KATNAL2: variants seen among roughly 807,000 people sequenced by gnomAD.
KATNAL2 encodes the protein katanin p60 ATPase-containing subunit A-like 2.
In KATNAL2, 52 loss-of-function variants were observed where a neutral mutation model predicts 76.3. The observed-to-expected ratio is 0.68, with a 90% CI of 0.55 to 0.86. KATNAL2 has a LOEUF of 0.86. Among genes scored for constraint, KATNAL2 ranks in the 40% least tolerant of loss-of-function variants. KATNAL2 has a pLI of 0.00. For synonymous variants in KATNAL2, 243 were observed against 244.2 expected (o/e 1.00, Z 0.05); for missense variants, 660 against 668.9 (o/e 0.99, Z 0.15).
chr18:47,038,064 C>T (rs761168472), intron 3 of KATNAL2, among the ~76,000 whole-genome samples: 1 of 152,088 alleles, frequency 6.6e-6, no homozygotes, highest in Non-Finnish European at 1.5e-5. Context: ...TAGACATCGA[C>T]TCTTTTGCAA....
chr18:47,058,285 C>T lies in KATNAL2; in HGVS notation c.383C>T (p.Pro128Leu). The change falls in exon 7 of 18, where the codon CCC becomes CTC. Residue 128 changes from proline (P) to leucine (L), a missense_variant. Physicochemically the swap from Pro to Leu is moderately conservative, Grantham distance 98 (BLOSUM62 -3). Coordinates refer to ENST00000683218, the MANE Select transcript of KATNAL2 (RefSeq NM_001387690.1). ...CTTCCCAAGATCAATCAGCAGAGGCCCCGGTCCAAAACCACAGCGGGGAAG... is the reference window on the plus strand; with the variant it reads ...CTTCCCAAGATCAATCAGCAGAGGCTCCGGTCCAAAACCACAGCGGGGAAG... ...QNLPKINQQRPRSKTTAGKTG... is the reference protein window; with the variant it reads ...QNLPKINQQRLRSKTTAGKTG... 6.2e-7 allele frequency: 1 copy of T among 1,614,068 alleles called. No individual in the cohort carries two copies. The highest frequency in any genetic ancestry group is 8.5e-7 in the Non-Finnish European group (1 of 1,179,962).
At chr18:47,088,595 T>G (rs969355576) in intron 15 of KATNAL2, among the ~76,000 whole-genome samples, 62 of 152,190 alleles carry the variant, frequency 4.1e-4, no homozygotes, top group Non-Finnish European at 4.3e-4. Flanking sequence ...CATTCATTTT[T>G]GAGAGGGGGG....
rs1473152229 is a variant in KATNAL2 at position 47,100,196 on chromosome 18, C to T, written c.1375-58C>T. 21 of 1,229,794 alleles carry T rather than the reference C, an allele frequency of 1.7e-5. No homozygotes were observed. In the Admixed American group the frequency reaches 2.0e-4, roughly 12 times the overall value. 76.2% of individuals were successfully genotyped at this position (1,229,794 alleles called of 1,614,324 possible). On this transcript the variant is annotated intron_variant, in intron 16 of 17. Coordinates refer to ENST00000683218, the MANE Select transcript of KATNAL2 (RefSeq NM_001387690.1). Reference sequence around the variant, plus strand: ...TGATACTGGGTCCTGCCTATAACAACGTAATGGCCAGGAGCATTCTGCCCA... The same window carrying T: ...TGATACTGGGTCCTGCCTATAACAATGTAATGGCCAGGAGCATTCTGCCCA...
intron 17 of KATNAL2, 137 bp from the exon 18 acceptor site, chr18:47,100,729 A>T: frequency 9.2e-7 from 1 of 1,090,944 alleles, no homozygotes; most frequent in Non-Finnish European, 1.3e-6. Context: ...AGCCCTCTTT[A>T]GTCTTGCCTT....
Position 47,100,309 on chromosome 18 carries a change from T to C in KATNAL2, c.1430T>C (p.Met477Thr). The C allele has an allele frequency of 6.2e-7, 1 of 1,614,154 alleles. No homozygotes were observed. Among genetic ancestry groups the C allele is most frequent in the Non-Finnish European group, 8.5e-7 (1 of 1,179,998 alleles). The change falls in exon 17 of 18, where the codon ATG becomes ACG. Residue 477 changes from methionine to threonine, a missense_variant. Met to Thr is a moderately conservative substitution (Grantham distance 81). Transcript: ENST00000683218. Reference sequence around the variant, plus strand: ...AAGCTCGTCTGCAGGGAAGCAGCCATGCGGCCCGTGAGGAAGATCTTTGAT... The same window carrying C: ...AAGCTCGTCTGCAGGGAAGCAGCCACGCGGCCCGTGAGGAAGATCTTTGAT... ...DIKLVCREAA[M>T]RPVRKIFDAL...
At chr18:47,071,964 T>C (rs1259486135) in intron 13 of KATNAL2, among the ~76,000 whole-genome samples, 15 of 88,956 alleles carry the variant, frequency 1.7e-4, no homozygotes, top group Non-Finnish European at 3.0e-4. Flanking sequence ...TTTTTTTTTT[T>C]TTTTTTTTTT....
At chr18:46,959,754 T>C (rs1179551853) in intron 3 of KATNAL2, among the ~76,000 whole-genome samples, 3 of 152,128 alleles carry the variant, frequency 2.0e-5, no homozygotes, top group African/African-American at 7.2e-5. Flanking sequence ...TTGTATTTTT[T>C]AGTAGAGATG....
At chr18:47,033,575 G>A (rs749997713) in intron 3 of KATNAL2, 6 of 1,614,176 alleles carry the variant, frequency 3.7e-6, no homozygotes, top group South Asian at 2.2e-5. Flanking sequence ...AGCTGATCGG[G>A]CCTCCACCCT....
Position 46,946,511 on chromosome 18 carries a change from C to T in KATNAL2, c.-55C>T. The T allele has an allele frequency of 1.0e-6, 1 of 985,472 alleles. No homozygotes were observed. The highest frequency in any genetic ancestry group is 1.2e-6 in the Non-Finnish European group (1 of 829,930). 61.0% of individuals were successfully genotyped at this position (985,472 alleles called of 1,614,324 possible). A position where few individuals can be genotyped will look rare whatever the true frequency, so the allele number is the denominator to read the frequency against. ...GTATAGAAGCATTGGGTCGCAAAGA[C>T]CTGAACAACGGCTGAAATCAAGGAC... is the stretch of plus-strand genomic sequence containing the variant. On this transcript the variant is annotated 5_prime_UTR_variant, in exon 2 of 18. Transcript: ENST00000683218.
chr18:46,918,033 C>T (rs1236536087), intron 1 of KATNAL2, 107 bp downstream of exon 1: 2 of 151,852 alleles, frequency 1.3e-5, no homozygotes, highest in Non-Finnish European at 2.9e-5. Flanking sequence ...TGAAGGGCAC[C>T]TGAAGGTCAC....
rs1305009676 is a variant in KATNAL2 at position 46,946,922 on chromosome 18, C to T, written c.50C>T (p.Ala17Val). The change falls in exon 3 of 18, where the codon GCG becomes GTG. Residue 17 changes from alanine (A) to valine (V), a missense_variant and splice_region_variant. By Grantham distance (64) the Ala-to-Val change is moderately conservative. Transcript: ENST00000683218. ...TLKFTHQARE[A>V]CEMRTEARRK... is the part of the protein sequence containing the mutation. ...AAATTCACGCATCAGGCGCGGGAAG[C>T]GGTAAGGAACGCATATATAAAACAT... is the stretch of plus-strand genomic sequence containing the variant. 1 of 1,519,792 alleles carries T rather than the reference C, an allele frequency of 6.6e-7. No homozygotes were observed. The highest frequency in any genetic ancestry group is 1.2e-5 in the South Asian group (1 of 83,784). 94.1% of individuals were successfully genotyped at this position (1,519,792 alleles called of 1,614,324 possible).
In KATNAL2 at chr18:47,037,032, G is replaced by A. The variant is rs2060802782; in HGVS notation, c.52-9425G>A. On this transcript the variant is annotated intron_variant, in intron 3 of 17. Coordinates refer to ENST00000683218, the MANE Select transcript of KATNAL2 (RefSeq NM_001387690.1). ...GCAGGGACTGTAAAACAGAAGTATA[G>A]TAAAGACATTTGAAAGAAGTGATGT... Among the ~76,000 whole-genome samples the A allele has an allele frequency of 2.0e-5, 3 of 152,212 alleles. No individual in the cohort carries two copies. The South Asian group carries it at 6.2e-4, about 32-fold the overall frequency.
intron 15 of KATNAL2, among the ~76,000 whole-genome samples, chr18:47,097,736 T>A (rs1326193216): frequency 6.6e-6 from 1 of 152,242 alleles, no homozygotes; most frequent in Non-Finnish European, 1.5e-5. Flanking sequence ...TTTTATTTTT[T>A]AACTTTTATT....
intron 3 of KATNAL2, chr18:47,035,651 A>C: frequency 2.5e-6 from 1 of 398,886 alleles, no homozygotes; most frequent in Non-Finnish European, 4.8e-6. Context: ...CCCCATACGT[A>C]CTCATGCCGT....
chr18:47,093,225 T>C lies in KATNAL2; in HGVS notation c.1212-6018T>C, dbSNP rs148906147. 2.0e-3 allele frequency among the ~76,000 whole-genome samples: 298 copies of C among 152,332 alleles called. 2 individuals are homozygous for C. In the Middle Eastern group the frequency reaches 0.027, roughly 14 times the overall value. ...TCATGCCTGCCTCACAGGGTTGTTG[T>C]GAGAATTAAATGAATTAATGTCTGT... On this transcript the variant is annotated intron_variant, in intron 15 of 17. Coordinates refer to ENST00000683218, the MANE Select transcript of KATNAL2 (RefSeq NM_001387690.1).
At chr18:47,038,756 A>G (rs946888545) in intron 3 of KATNAL2, among the ~76,000 whole-genome samples, 2 of 152,260 alleles carry the variant, frequency 1.3e-5, no homozygotes, top group African/African-American at 2.4e-5. Context: ...TTTGTACCAA[A>G]AAACTGAAGA....
intron 3 of KATNAL2, chr18:47,032,744 C>T: frequency 1.7e-6 from 1 of 593,466 alleles, no homozygotes; most frequent in South Asian, 2.3e-5. Context: ...TAAAAATTAT[C>T]AGTGAACATC....
intron 1 of KATNAL2, among the ~76,000 whole-genome samples, chr18:46,928,018 C>T (rs2058782564): frequency 6.6e-6 from 1 of 152,124 alleles, no homozygotes; most frequent in Non-Finnish European, 1.5e-5. Context: ...AACTTCTTTG[C>T]CATTGGTTCG....
At chr18:46,956,394 A>G (rs773270613) in intron 3 of KATNAL2, among the ~76,000 whole-genome samples, 1 of 152,122 alleles carries the variant, frequency 6.6e-6, no homozygotes, top group African/African-American at 2.4e-5. Context: ...TCATGATACT[A>G]CCGTCTCTTT....
Sources: gnomAD v4.1 joint callset for allele counts (sites outside exome capture counted in the v4.1 genomes callset) on GRCh38, gnomAD v4.1.1 for gene constraint, MANE v1.5 for transcripts, NCBI Gene and HGNC (gene_info 2026-07-23, HGNC 2026-07-21) for gene names.